Variants in MAPKAP1 observed in about 807,000 individuals in gnomAD.
MAPKAP1 encodes the protein MAPK associated protein 1, also known as target of rapamycin complex 2 subunit MAPKAP1.
In MAPKAP1, 20 loss-of-function variants were observed where a neutral mutation model predicts 65.7. The observed-to-expected ratio is 0.30, with a 90% CI of 0.21 to 0.44. MAPKAP1 has a LOEUF of 0.44. MAPKAP1 is among the 20% of genes least tolerant of loss of function. MAPKAP1 has a pLI of 1.00. For missense variants in MAPKAP1, 423 were observed against 648.0 expected (o/e 0.65, Z 3.77); for synonymous variants, 222 against 244.3 (o/e 0.91, Z 0.85).
rs1429645921 is a variant in MAPKAP1, at chr9:125,624,383, T to TG, written c.498+33267dup. Among the ~76,000 whole-genome samples the TG allele has an allele frequency of 6.6e-5, 3 of 45,410 alleles. 1 individual carries two copies. Among genetic ancestry groups the TG allele is most frequent in the African/African-American group, 2.1e-4 (3 of 14,070 alleles). 29.8% of individuals were successfully genotyped at this position (45,410 alleles called of 152,430 possible). ...CCAGCCGCCCCATCCGGGAGGGAGG[T>TG]GGGGGGGTCGGCCCCCATCCCGGCC... is the stretch of plus-strand genomic sequence containing the variant. On this transcript the variant is annotated intron_variant, in intron 4 of 11. Coordinates refer to ENST00000265960, the MANE Select transcript of MAPKAP1 (RefSeq NM_001006617.3).
intron 7 of MAPKAP1, among the ~76,000 whole-genome samples, chr9:125,507,912 T>G (rs1187045723): frequency 1.3e-5 from 2 of 152,148 alleles, no homozygotes. Flanking sequence ...GGTAGCCCCC[T>G]TAGCGATTCT....
chr9:125,600,718 T>C (rs2131609796), intron 4 of MAPKAP1, among the ~76,000 whole-genome samples: 1 of 152,328 alleles, frequency 6.6e-6, no homozygotes, highest in Admixed American at 6.5e-5. Flanking sequence ...CATCCAGCCT[T>C]GGGACAGTTA....
At chr9:125,594,810 C>T (rs1237612432) in intron 4 of MAPKAP1, among the ~76,000 whole-genome samples, 12 of 152,150 alleles carry the variant, frequency 7.9e-5, no homozygotes, top group Admixed American at 7.9e-4. Context: ...TGCTAGCTGG[C>T]TAAATCAAAA....
Position 125,444,649 on chromosome 9 carries a change from G to A in MAPKAP1, c.1346-51C>T, listed in dbSNP as rs559167838. On this transcript the variant is annotated intron_variant, in intron 10 of 11. Transcript: ENST00000265960. Reference sequence around the variant, plus strand: ...GGGGTTCTGGTGAGTTAACTATGGCGGGGGCCTCCATATGTTCTCCCCTAT... The same window carrying A: ...GGGGTTCTGGTGAGTTAACTATGGCAGGGGCCTCCATATGTTCTCCCCTAT... 1.2e-4 allele frequency: 157 copies of A among 1,313,956 alleles called. 3 individuals carry two copies. The South Asian group carries it at 1.8e-3, about 15-fold the overall frequency. 81.4% of individuals were successfully genotyped at this position (1,313,956 alleles called of 1,614,324 possible).
chr9:125,554,765 C>T (rs562904318), intron 6 of MAPKAP1, among the ~76,000 whole-genome samples: 1 of 123,352 alleles, frequency 8.1e-6, no homozygotes, highest in South Asian at 2.5e-4. Flanking sequence ...CACTGCACTC[C>T]AGACTAGGCC....
chr9:125,569,394 C>A (rs1027596726), intron 5 of MAPKAP1, among the ~76,000 whole-genome samples: 2 of 152,168 alleles, frequency 1.3e-5, no homozygotes, highest in African/African-American at 4.8e-5. Flanking sequence ...AGTGGCGGTC[C>A]GGGTTCAATT....
At chr9:125,587,974 T>C (rs977003292) in intron 4 of MAPKAP1, among the ~76,000 whole-genome samples, 1 of 152,232 alleles carries the variant, frequency 6.6e-6, no homozygotes, top group Non-Finnish European at 1.5e-5. Flanking sequence ...CCAGTGGGAA[T>C]GTAAAATGAT....
intron 5 of MAPKAP1, among the ~76,000 whole-genome samples, chr9:125,564,096 A>C (rs182584511): frequency 6.6e-6 from 1 of 152,212 alleles, no homozygotes; most frequent in Non-Finnish European, 1.5e-5. Context: ...TTTCACAGTG[A>C]TATCTGTTAA....
intron 11 of MAPKAP1, among the ~76,000 whole-genome samples, chr9:125,440,514 A>G (rs907178371): frequency 6.6e-6 from 1 of 152,042 alleles, no homozygotes; most frequent in African/African-American, 2.4e-5. Context: ...TGCTGATTCT[A>G]CTCCGAGGGC....
At chr9:125,629,423 A>C (rs1013069564) in intron 4 of MAPKAP1, among the ~76,000 whole-genome samples, 7 of 152,242 alleles carry the variant, frequency 4.6e-5, no homozygotes, top group African/African-American at 1.7e-4. Context: ...TCAGCTTTTG[A>C]AAAGAAGGAA....
rs559663156 is a variant in MAPKAP1 at position 125,688,011 on chromosome 9, G to C, written c.-69-15368C>G. 2.6e-5 allele frequency among the ~76,000 whole-genome samples: 4 copies of C among 152,284 alleles called. No individual in the cohort carries two copies. The East Asian group carries it at 7.7e-4, about 29-fold the overall frequency. ...CTACTTTTATGTGACTTTGAATGGT[G>C]CTTTGTATTTTCACTTGAATAGAGC... On this transcript the variant is annotated intron_variant, in intron 1 of 11. Coordinates refer to ENST00000265960, the MANE Select transcript of MAPKAP1 (RefSeq NM_001006617.3).
chr9:125,586,605 G>GA (rs546053895), intron 4 of MAPKAP1, among the ~76,000 whole-genome samples: 4 of 151,512 alleles, frequency 2.6e-5, no homozygotes, highest in Admixed American at 2.0e-4. Flanking sequence ...TCTCTTTTGT[G>GA]AAAAAAATCC....
At position 125,616,539 on chromosome 9, in the gene MAPKAP1, T is replaced by C. The variant is rs535038868; in HGVS notation, c.499-30812A>G. On this transcript the variant is annotated intron_variant, in intron 4 of 11. Coordinates refer to ENST00000265960, the MANE Select transcript of MAPKAP1 (RefSeq NM_001006617.3). ...AAATTGATTAAAATAGAAAAAAGATTAGAACAAGTAGTTCACACAGAAGAG... is the reference window on the plus strand; with the variant it reads ...AAATTGATTAAAATAGAAAAAAGATCAGAACAAGTAGTTCACACAGAAGAG... 3.9e-5 allele frequency among the ~76,000 whole-genome samples: 6 copies of C among 152,220 alleles called. No homozygotes were observed. In the South Asian group the frequency reaches 1.2e-3, roughly 32 times the overall value.
intron 4 of MAPKAP1, among the ~76,000 whole-genome samples, chr9:125,645,909 G>A (rs975057518): frequency 2.0e-5 from 3 of 152,046 alleles, no homozygotes; most frequent in African/African-American, 7.2e-5. Flanking sequence ...GCAGAGTTCC[G>A]ATCATGTAAA....
At chr9:125,477,273 G>A (rs140405929) in intron 9 of MAPKAP1, among the ~76,000 whole-genome samples, 1,910 of 152,176 alleles carry the variant, frequency 0.013, 48 homozygotes, top group African/African-American at 0.044. Flanking sequence ...ACATGGGAAC[G>A]GTCTACACTG....
intron 8 of MAPKAP1, among the ~76,000 whole-genome samples, chr9:125,499,414 ATTTAC>A (rs989001389): frequency 5.3e-5 from 8 of 152,330 alleles, no homozygotes; most frequent in East Asian, 3.9e-4. Context: ...TGTTTTCATA[ATTTAC>A]TTCCATTTTA....
Position 125,537,624 on chromosome 9 carries a change from C to T in MAPKAP1, c.958+5435G>A, listed in dbSNP as rs971209372. Among the ~76,000 whole-genome samples, 4 of 152,268 alleles carry T rather than the reference C, an allele frequency of 2.6e-5. No individual in the cohort carries two copies. In the South Asian group the frequency reaches 6.2e-4, roughly 24 times the overall value. Reference sequence around the variant, plus strand: ...AGCCTCCCCAGTCACTGGGACTACACGCATGTGCCACCATGCCTGGCTAAT... The same window carrying T: ...AGCCTCCCCAGTCACTGGGACTACATGCATGTGCCACCATGCCTGGCTAAT... On this transcript the variant is annotated intron_variant, in intron 7 of 11. Coordinates refer to ENST00000265960, the MANE Select transcript of MAPKAP1 (RefSeq NM_001006617.3).
intron 8 of MAPKAP1, among the ~76,000 whole-genome samples, chr9:125,499,874 C>T (rs1388152276): frequency 9.9e-5 from 15 of 151,878 alleles, no homozygotes; most frequent in Non-Finnish European, 2.1e-4. Context: ...GTAATCATGG[C>T]TACTTGGGAG....
intron 6 of MAPKAP1, 191 bp downstream of exon 6, chr9:125,559,442 G>A (rs1589287601): frequency 5.8e-6 from 3 of 517,764 alleles, no homozygotes; most frequent in Admixed American, 6.7e-5. Context: ...AGCAGTCTGC[G>A]TAGCCTAGGT....
Sources: allele counts gnomAD v4.1 joint callset (sites outside exome capture counted in the v4.1 genomes callset), GRCh38; gene constraint gnomAD v4.1.1; transcripts MANE v1.5; gene names NCBI Gene and HGNC (gene_info 2026-07-23, HGNC 2026-07-21).